EDA2R: variants seen among roughly 807,000 people sequenced by gnomAD.
EDA2R encodes ectodysplasin A2 receptor, also known as tumor necrosis factor receptor superfamily member 27.
In EDA2R, 26 loss-of-function variants were observed where a neutral mutation model predicts 20.1. The observed-to-expected ratio is 1.30, with a 90% confidence interval of 0.95 to 1.80. EDA2R has a LOEUF of 1.80. Among genes scored for constraint, EDA2R ranks in the 40% most tolerant of loss-of-function variants. The probability of loss-of-function intolerance (pLI) is 0.00; values close to 1 mark genes in which losing one functional copy is unlikely to be tolerated. For missense variants in EDA2R, 277 were observed against 228.7 expected (o/e 1.21, Z -1.36); for synonymous variants, 114 against 88.7 (o/e 1.29, Z -1.60).
intron 1 of EDA2R, among the ~76,000 whole-genome samples, chrX:66,617,756 T>G (rs747982409): frequency 9.0e-6 from 1 of 110,946 alleles, no homozygotes; most frequent in Non-Finnish European, 1.9e-5. Flanking sequence ...TAACCATGGC[T>G]TTGAAACCTC....
chrX:66,609,952 A>G (rs916626094), intron 2 of EDA2R, among the ~76,000 whole-genome samples: 1 of 111,849 alleles, frequency 8.9e-6, no homozygotes, highest in Non-Finnish European at 1.9e-5. Context: ...ATATAAATAA[A>G]TTCCTCTTTA....
At chrX:66,606,478 G>T (rs955771530) in intron 2 of EDA2R, among the ~76,000 whole-genome samples, 4 of 111,840 alleles carry the variant, frequency 3.6e-5, no homozygotes, top group Non-Finnish European at 7.5e-5. Context: ...TATTAAGAAT[G>T]ATAGCGGAAG....
intron 2 of EDA2R, among the ~76,000 whole-genome samples, chrX:66,609,680 C>A (rs1406222529): frequency 8.9e-6 from 1 of 111,812 alleles, no homozygotes; most frequent in East Asian, 2.8e-4. Flanking sequence ...TTGGGCAAGT[C>A]ATTGGGCCTG....
intron 2 of EDA2R, among the ~76,000 whole-genome samples, chrX:66,608,522 T>A (rs1485432246): frequency 8.9e-6 from 1 of 112,217 alleles, no homozygotes; most frequent in Non-Finnish European, 1.9e-5. Flanking sequence ...GTGCAGAGAC[T>A]TAAAGTCAGT....
chrX:66,598,402 C>T (rs781117721), intron 6 of EDA2R, among the ~76,000 whole-genome samples: 1 of 111,834 alleles, frequency 8.9e-6, no homozygotes, highest in Admixed American at 9.5e-5. Flanking sequence ...TGAGGTCTGT[C>T]TGGCACGAGG....
rs1168061097 is a variant in EDA2R, at chrX:66,596,278, C to T, written c.*1826G>A. ...GAAAAGTAAAACTGTAAAAAGAACTCTCCTGAAGCAAATACTCAACTATGG... is the reference window on the plus strand; with the variant it reads ...GAAAAGTAAAACTGTAAAAAGAACTTTCCTGAAGCAAATACTCAACTATGG... On this transcript the variant is annotated 3_prime_UTR_variant, in exon 7 of 7. Transcript: ENST00000374719. The T allele has an allele frequency of 1.8e-5, 2 of 111,222 alleles. No homozygotes were observed. Among genetic ancestry groups the T allele is most frequent in the South Asian group, 3.8e-4 (1 of 2,664 alleles). 9.2% of individuals were successfully genotyped at this position (111,222 alleles called of 1,213,427 possible). A position where few individuals can be genotyped will look rare whatever the true frequency, so the allele number is the denominator to read the frequency against.
rs757380633 is a variant in EDA2R at position 66,600,129 on chromosome X, T to C, written c.518-269A>G. The C allele has an allele frequency of 6.6e-6, 7 of 1,053,726 alleles. No homozygotes were observed. In the East Asian group the frequency reaches 2.0e-4, roughly 30 times the overall value. 86.8% of individuals were successfully genotyped at this position (1,053,726 alleles called of 1,213,427 possible). On this transcript the variant is annotated intron_variant, in intron 5 of 6. Transcript: ENST00000374719. ...AAAGAAACCTTTGTGGGAAACAGGA[T>C]TTTGATACCATCTCCCTTGCCATAA...
At chrX:66,614,485 T>C (rs1931326938) in intron 2 of EDA2R, among the ~76,000 whole-genome samples, 1 of 112,273 alleles carries the variant, frequency 8.9e-6, no homozygotes. Flanking sequence ...CCCATGTGTA[T>C]CTGGCTCTAA....
rs1602176606 is a variant in EDA2R at position 66,599,589 on chromosome X, G to A, written c.789C>T (p.Ser263=). The change falls in exon 6 of 7, where the codon TCC becomes TCT. Residue 263 remains serine, a synonymous_variant. Transcript: ENST00000374719. ...ECTELDLQKF[S]SSASYTGAET... ...CAGCTCCAGTATAGGAGGCAGAGCT[G>A]GAAAACTTTTGCAGGTCCAGCTCTG... The A allele has an allele frequency of 4.2e-6, 5 of 1,196,533 alleles. No homozygotes were observed. The highest frequency in any genetic ancestry group is 4.5e-5 in the Admixed American group (2 of 44,022).
intron 2 of EDA2R, among the ~76,000 whole-genome samples, chrX:66,612,146 G>T (rs1295693231): frequency 9.0e-6 from 1 of 111,513 alleles, no homozygotes; most frequent in Non-Finnish European, 1.9e-5. Flanking sequence ...AGAATGAGTT[G>T]CTAGTAGGCC....
At chrX:66,625,022 C>T (rs770701144) in intron 1 of EDA2R, among the ~76,000 whole-genome samples, 9 of 111,731 alleles carry the variant, frequency 8.1e-5, no homozygotes, top group Middle Eastern at 4.6e-3. Context: ...GGAAAAGCCC[C>T]GGGAGTTTGC....
At position 66,604,435 on chromosome X, in the gene EDA2R, G is replaced by A. The variant is rs1376389387; in HGVS notation, c.338C>T (p.Thr113Ile). The A allele has an allele frequency of 5.8e-6, 7 of 1,206,821 alleles. No individual in the cohort carries two copies. The highest frequency in any genetic ancestry group is 4.4e-5 in the Admixed American group (2 of 45,684). Residue 113 changes from threonine to isoleucine, a missense_variant, in exon 4 of 7, where the codon ACC (threonine) becomes ATC (isoleucine). Physicochemically the swap from Thr to Ile is moderately conservative, Grantham distance 89. Coordinates refer to ENST00000374719, the MANE Select transcript of EDA2R (RefSeq NM_021783.5). ...TGGGTACACACATTGAACCTCAGAG[G>A]TGGGGGTCTGCTTCGTGCACGGGAT... Reference protein sequence around the residue: ...ECIPCTKQTPTSEVQCAFQLS... With the variant: ...ECIPCTKQTPISEVQCAFQLS...
At chrX:66,631,928 A>G (rs1268722801) in intron 1 of EDA2R, among the ~76,000 whole-genome samples, 3 of 112,386 alleles carry the variant, frequency 2.7e-5, no homozygotes, top group Non-Finnish European at 5.6e-5. Flanking sequence ...ACAAGCATAT[A>G]CAATATGTAA....
intron 1 of EDA2R, among the ~76,000 whole-genome samples, chrX:66,619,033 C>T (rs1932176561): frequency 8.9e-6 from 1 of 111,958 alleles, no homozygotes; most frequent in Non-Finnish European, 1.9e-5. Context: ...AGCAGGTTCC[C>T]TTTCTTCTTT....
chrX:66,599,176 T>A (rs939115969), intron 6 of EDA2R, among the ~76,000 whole-genome samples: 1 of 111,834 alleles, frequency 8.9e-6, no homozygotes, highest in Non-Finnish European at 1.9e-5. Context: ...GGGAGATACC[T>A]GAATATGACC....
intron 1 of EDA2R, among the ~76,000 whole-genome samples, chrX:66,637,997 A>C (rs1222843572): frequency 8.9e-6 from 1 of 112,371 alleles, no homozygotes; most frequent in Non-Finnish European, 1.9e-5. Flanking sequence ...ATAAAAAAAA[A>C]CCTTTTTCTG....
At chrX:66,619,359 A>G (rs1602269995) in intron 1 of EDA2R, among the ~76,000 whole-genome samples, 1 of 112,506 alleles carries the variant, frequency 8.9e-6, no homozygotes, top group Non-Finnish European at 1.9e-5. Context: ...TAACTTGGTC[A>G]ACAAACGTTT....
intron 1 of EDA2R, among the ~76,000 whole-genome samples, chrX:66,618,686 A>G (rs1932112938): frequency 8.9e-6 from 1 of 112,092 alleles, no homozygotes. Context: ...TTGTTAGCTT[A>G]TCAACATGCT....
intron 1 of EDA2R, among the ~76,000 whole-genome samples, chrX:66,628,877 G>A (rs1425093788): frequency 2.7e-5 from 3 of 110,873 alleles, no homozygotes. Flanking sequence ...AACCAGGAAA[G>A]GACATAACCA....
Sources: allele counts gnomAD v4.1 joint callset (sites outside exome capture counted in the v4.1 genomes callset), GRCh38; gene constraint gnomAD v4.1.1; transcripts MANE v1.5; gene names NCBI Gene and HGNC (gene_info 2026-07-23, HGNC 2026-07-21).